Variants in CDH12 observed in about 807,000 individuals in gnomAD.
CDH12 encodes the protein cadherin 12, also known as cadherin-12.
CDH12 carries 41 observed loss-of-function variants against 74.1 expected under a neutral mutation model. The ratio of observed to expected loss-of-function variants is 0.55; its 90% CI spans 0.43 to 0.72. The LOEUF (loss-of-function observed/expected upper bound fraction) is 0.72, where lower values mean the gene tolerates loss of function less well. CDH12 is among the 30% of genes least tolerant of loss of function. The pLI is 0.00. For missense variants in CDH12, 945 were observed against 977.2 expected, an observed-to-expected ratio of 0.97 and a Z score of 0.44; for synonymous variants, 399 against 355.0, an observed-to-expected ratio of 1.12 and a Z score of -1.39.
At chr5:22,507,207 A>C (rs1736424728) in intron 1 of CDH12, among the ~76,000 whole-genome samples, 2 of 152,102 alleles carry the variant, frequency 1.3e-5, no homozygotes, top group Admixed American at 6.6e-5. Flanking sequence ...AATAAAAAGG[A>C]CTTGAGGAGA....
chr5:22,626,058 C>T (rs534690045), intron 1 of CDH12, among the ~76,000 whole-genome samples: 1 of 152,078 alleles, frequency 6.6e-6, no homozygotes, highest in African/African-American at 2.4e-5. Context: ...GCATGCTAAC[C>T]CCATGGAGGC....
At chr5:22,795,947 G>A (rs1581008260) in intron 1 of CDH12, among the ~76,000 whole-genome samples, 1 of 152,232 alleles carries the variant, frequency 6.6e-6, no homozygotes, top group East Asian at 1.9e-4. Context: ...TAAGTGTTAA[G>A]TTAGAGCCTT....
At chr5:21,862,599 A>G (rs1751102683) in intron 6 of CDH12, among the ~76,000 whole-genome samples, 1 of 152,162 alleles carries the variant, frequency 6.6e-6, no homozygotes, top group South Asian at 2.1e-4. Context: ...ACTATGCACC[A>G]GATGCTACTT....
intron 6 of CDH12, among the ~76,000 whole-genome samples, chr5:21,878,631 A>G (rs1046178674): frequency 8.6e-5 from 13 of 151,286 alleles, no homozygotes; most frequent in Admixed American, 6.6e-4. Context: ...GGTCCCAGCT[A>G]CTTGGGAAGA....
In CDH12 at chr5:22,657,341, C is replaced by A. The variant is rs1284382075; in HGVS notation, c.-522-151977G>T. 5.3e-5 allele frequency among the ~76,000 whole-genome samples: 8 copies of A among 152,154 alleles called. No individual in the cohort carries two copies. In the South Asian group the frequency reaches 1.2e-3, roughly 24 times the overall value. On this transcript the variant is annotated intron_variant, in intron 1 of 14. Coordinates refer to ENST00000382254, the MANE Select transcript of CDH12 (RefSeq NM_004061.5). Reference sequence around the variant, plus strand: ...TGGAGGCTGATTATGTGAGTATATACTTAGACAAAAATCATCAGGGCTTCA... The same window carrying A: ...TGGAGGCTGATTATGTGAGTATATAATTAGACAAAAATCATCAGGGCTTCA...
At chr5:21,832,790 TATA>T (rs1276235612) in intron 8 of CDH12, among the ~76,000 whole-genome samples, 7 of 102,190 alleles carry the variant, frequency 6.8e-5, no homozygotes, top group African/African-American at 3.9e-4. Context: ...ATATATATCA[TATA>T]ATATATATAT....
chr5:22,480,231 G>C (rs1316716933), intron 2 of CDH12, among the ~76,000 whole-genome samples: 1 of 151,476 alleles, frequency 6.6e-6, no homozygotes, highest in Admixed American at 6.6e-5. Flanking sequence ...AAAGAGTTTT[G>C]GTTTTTGACT....
At chr5:22,784,295 T>A (rs1354162764) in intron 1 of CDH12, among the ~76,000 whole-genome samples, 1 of 152,184 alleles carries the variant, frequency 6.6e-6, no homozygotes, top group Admixed American at 6.6e-5. Context: ...GACTTCTTTC[T>A]AAAGTTTAGT....
intron 3 of CDH12, among the ~76,000 whole-genome samples, chr5:22,299,198 C>A (rs1211417090): frequency 6.6e-6 from 1 of 151,878 alleles, no homozygotes; most frequent in Admixed American, 6.6e-5. Flanking sequence ...GATAGGTTAG[C>A]CGTAAAGTAA....
At chr5:21,765,428 T>C (rs1019427042) in intron 11 of CDH12, among the ~76,000 whole-genome samples, 1 of 152,034 alleles carries the variant, frequency 6.6e-6, no homozygotes, top group African/African-American at 2.4e-5. Flanking sequence ...TGAAAAATTG[T>C]CTATGTTGTA....
rs1280532810 is a variant in CDH12, at chr5:22,529,178, TATATATATATAGAGAGAG to T, written c.-522-23832_-522-23815del. ...ATATACACATGTGTATATATATATATATATATATATAGAGAGAGAGAGAGAGAGAGAGAGAGAGAGAGA... is the reference window on the plus strand; with the variant it reads ...ATATACACATGTGTATATATATATATAGAGAGAGAGAGAGAGAGAGAGAGA... On this transcript the variant is annotated intron_variant, in intron 1 of 14. Transcript: ENST00000382254. Among the ~76,000 whole-genome samples, 56 of 81,738 alleles carry T rather than the reference TATATATATATAGAGAGAG, an allele frequency of 6.9e-4. 1 individual carries two copies. The highest frequency in any genetic ancestry group is 2.3e-3 in the South Asian group (5 of 2,132). The allele number at this position is 81,738 out of a possible 152,430, so 53.6% of individuals were successfully genotyped here.
chr5:22,405,209 A>T (rs912354535), intron 3 of CDH12, 48 bp downstream of exon 3: 6 of 489,874 alleles, frequency 1.2e-5, no homozygotes, highest in Non-Finnish European at 1.0e-5. Context: ...AACTGTCTTT[A>T]AAAAAAATAA....
chr5:21,928,389 G>A (rs1290166728), intron 6 of CDH12, among the ~76,000 whole-genome samples: 1 of 152,194 alleles, frequency 6.6e-6, no homozygotes, highest in African/African-American at 2.4e-5. Context: ...TACATTTGGA[G>A]GAAAGCAATG....
intron 2 of CDH12, among the ~76,000 whole-genome samples, chr5:22,460,083 C>T (rs1340379573): frequency 2.0e-5 from 3 of 152,012 alleles, no homozygotes; most frequent in African/African-American, 7.2e-5. Context: ...TTAGAGAAAG[C>T]AAGTGCAGGT....
chr5:22,399,914 A>C (rs970511840), intron 3 of CDH12, among the ~76,000 whole-genome samples: 7 of 152,194 alleles, frequency 4.6e-5, no homozygotes, highest in African/African-American at 7.2e-5. Context: ...ATAACCAACA[A>C]AATCTCTTAA....
chr5:22,809,865 A>G (rs1049039133), intron 1 of CDH12, among the ~76,000 whole-genome samples: 2 of 152,110 alleles, frequency 1.3e-5, no homozygotes, highest in Non-Finnish European at 2.9e-5. Flanking sequence ...ACTAGTTCAA[A>G]TGGTGTAAAA....
At chr5:22,290,873 A>G (rs1737357333) in intron 3 of CDH12, among the ~76,000 whole-genome samples, 1 of 152,184 alleles carries the variant, frequency 6.6e-6, no homozygotes, top group South Asian at 2.1e-4. Context: ...AAAGTCCCCC[A>G]TCCAAGAAAA....
At chr5:22,194,210 C>T (rs550391168) in intron 4 of CDH12, among the ~76,000 whole-genome samples, 1 of 151,898 alleles carries the variant, frequency 6.6e-6, no homozygotes, top group Admixed American at 6.6e-5. Flanking sequence ...CATTCAGGTA[C>T]CAGGCTTGTG....
chr5:22,813,320 G>T (rs1458037722), intron 1 of CDH12, among the ~76,000 whole-genome samples: 1 of 152,156 alleles, frequency 6.6e-6, no homozygotes, highest in Non-Finnish European at 1.5e-5. Flanking sequence ...TTTTGAAAGA[G>T]TTGCAGGTTT....
Sources: gnomAD v4.1 joint callset for allele counts (sites outside exome capture counted in the v4.1 genomes callset) on GRCh38, gnomAD v4.1.1 for gene constraint, MANE v1.5 for transcripts, NCBI Gene and HGNC (gene_info 2026-07-23, HGNC 2026-07-21) for gene names.